The following PEX5 variants were observed in gnomAD, a reference collection of about 807,000 sequenced individuals.
The protein encoded by PEX5 is peroxisomal biogenesis factor 5.
In PEX5, 52 loss-of-function variants were observed where a neutral mutation model predicts 82.9. The ratio of observed to expected loss-of-function variants is 0.63; its 90% CI spans 0.50 to 0.79. PEX5 has a LOEUF of 0.79. PEX5 is among the 30% of genes least tolerant of loss of function. PEX5 has a pLI of 0.00. For missense variants in PEX5, 719 were observed against 815.2 expected, an observed-to-expected ratio of 0.88 and a Z score of 1.44; for synonymous variants, 300 against 318.8, an observed-to-expected ratio of 0.94 and a Z score of 0.63.
intron 13 of PEX5, 82 bp from the exon 14 acceptor site, chr12:7,208,923 T>A (rs1178566368): frequency 1.6e-6 from 2 of 1,246,336 alleles, no homozygotes; most frequent in African/African-American, 2.9e-5. Flanking sequence ...GGGATATGGT[T>A]GATCAATGAA....
At chr12:7,212,498 CAAAAA>C (rs5796272), downstream of PEX5, among the ~76,000 whole-genome samples, 1 of 130,888 alleles carries the variant, frequency 7.6e-6, no homozygotes, top group African/African-American at 3.0e-5. Context: ...ACCCAAAAAA[CAAAAA>C]AAACAGGTCT....
intron 6 of PEX5, among the ~76,000 whole-genome samples, chr12:7,200,692 AG>A (rs1376034001): frequency 7.9e-5 from 12 of 152,154 alleles, no homozygotes; most frequent in African/African-American, 2.9e-4. Flanking sequence ...GCTGGAGACC[AG>A]CCCGGCCAAC....
At chr12:7,215,672 T>C (rs748630982), downstream of PEX5, among the ~76,000 whole-genome samples, 4 of 152,182 alleles carry the variant, frequency 2.6e-5, no homozygotes, top group Non-Finnish European at 4.4e-5. Context: ...TTCTCACTTA[T>C]AAGTGACAGC....
chr12:7,215,061 CTAAGGT>C (rs746506954), downstream of PEX5, among the ~76,000 whole-genome samples: 1 of 151,924 alleles, frequency 6.6e-6, no homozygotes, highest in Non-Finnish European at 1.5e-5. Flanking sequence ...GTCACTAAGG[CTAAGGT>C]TAAGAAAACT....
chr12:7,215,009 A>T (rs1400089075), downstream of PEX5, among the ~76,000 whole-genome samples: 4 of 152,162 alleles, frequency 2.6e-5, no homozygotes, highest in African/African-American at 9.7e-5. Flanking sequence ...AATTTTACTC[A>T]GATTATGCAT....
At chr12:7,217,871 G>A (rs1037187977) in intron 17 of PEX5, among the ~76,000 whole-genome samples, 9 of 152,304 alleles carry the variant, frequency 5.9e-5, no homozygotes, top group African/African-American at 1.9e-4. Flanking sequence ...TGAGTTGTAC[G>A]GGCTGCACTG....
At position 7,203,188 on chromosome 12, in the gene PEX5, G is replaced by A. The variant is rs1259373169; in HGVS notation, c.847-244G>A. 3.5e-3 allele frequency among the ~76,000 whole-genome samples: 41 copies of A among 11,884 alleles called. 8 individuals carry two copies. The highest frequency in any genetic ancestry group is 0.022 in the South Asian group (4 of 184). 7.8% of individuals were successfully genotyped at this position (11,884 alleles called of 152,430 possible). ...AAAAAACTAAACTAAACTATGCACT[G>A]CACTGCACTGCACTGCACTGCACTG... On this transcript the variant is annotated intron_variant, in intron 9 of 15. Coordinates refer to ENST00000675855, the MANE Select transcript of PEX5 (RefSeq NM_001351132.2).
At chr12:7,201,019 C>T (rs1857498125) in intron 6 of PEX5, among the ~76,000 whole-genome samples, 1 of 152,076 alleles carries the variant, frequency 6.6e-6, no homozygotes, top group Admixed American at 6.5e-5. Flanking sequence ...TGGTTGTGTG[C>T]CTGTACTCAG....
intron 6 of PEX5, among the ~76,000 whole-genome samples, chr12:7,201,069 A>G (rs890392915): frequency 6.6e-6 from 1 of 152,184 alleles, no homozygotes; most frequent in Non-Finnish European, 1.5e-5. Context: ...CAGGAGGTCA[A>G]GTCTAGCCCG....
intron 5 of PEX5, among the ~76,000 whole-genome samples, chr12:7,197,846 T>A (rs1943040895): frequency 6.6e-6 from 1 of 152,140 alleles, no homozygotes; most frequent in African/African-American, 2.4e-5. Flanking sequence ...TTGGAGTTAG[T>A]AGGTTCTCAA....
In PEX5 at chr12:7,203,441, G is replaced by A. The variant is rs1246877750; in HGVS notation, c.856G>A (p.Asp286Asn). 1.2e-6 allele frequency: 2 copies of A among 1,613,494 alleles called. No individual in the cohort carries two copies. Among genetic ancestry groups the A allele is most frequent in the Admixed American group, 1.7e-5 (1 of 59,932 alleles). The change falls in exon 10 of 16, where the codon GAT becomes AAT. Residue 286 changes from aspartate to asparagine, a missense_variant. Physicochemically the swap from Asp to Asn is conservative, Grantham distance 23. Transcript: ENST00000675855. ...TTTCCCTTCCTTACAGTCTGATGTC[G>A]ATTTCTGGGACAAGTTGCAGGCAGA... ...RAKSAIESDV[D>N]FWDKLQAELE...
chr12:7,211,887 TTAAAAATA>T (rs1267449735), downstream of PEX5, among the ~76,000 whole-genome samples: 1 of 152,004 alleles, frequency 6.6e-6, no homozygotes, highest in African/African-American at 2.4e-5. Flanking sequence ...GAGGAAAAAT[TTAAAAATA>T]TACACAAATA....
At chr12:7,194,267 T>G (rs1260131040) in intron 5 of PEX5, among the ~76,000 whole-genome samples, 3 of 152,166 alleles carry the variant, frequency 2.0e-5, no homozygotes, top group African/African-American at 7.2e-5. Context: ...GCAGCTCAAT[T>G]ATTTAAATTT....
chr12:7,217,980 TG>T (rs1945826347), intron 17 of PEX5, among the ~76,000 whole-genome samples: 1 of 152,172 alleles, frequency 6.6e-6, no homozygotes, highest in African/African-American at 2.4e-5. Flanking sequence ...CAGAGTGGGA[TG>T]GCAACTTCAG....
chr12:7,197,432 C>CAATTTAATTATATATGTCATATAT (rs1942902132), intron 5 of PEX5, among the ~76,000 whole-genome samples: 1 of 85,898 alleles, frequency 1.2e-5, no homozygotes, highest in African/African-American at 4.3e-5. Context: ...ATGTCATATA[C>CAATTTAATTATATATGTCATATAT]AATGTAATTA....
intron 5 of PEX5, among the ~76,000 whole-genome samples, chr12:7,198,070 G>A (rs1481731825): frequency 6.6e-6 from 1 of 152,004 alleles, no homozygotes; most frequent in Non-Finnish European, 1.5e-5. Context: ...CCACAGGATA[G>A]TAAAGGGCAA....
intron 17 of PEX5, among the ~76,000 whole-genome samples, chr12:7,217,780 C>T (rs1162408824): frequency 6.6e-6 from 1 of 152,210 alleles, no homozygotes; most frequent in Non-Finnish European, 1.5e-5. Flanking sequence ...CTGGAAATGA[C>T]TTAGGGGGCC....
Position 7,189,734 on chromosome 12 carries a change from C to A in PEX5, c.-33C>A, listed in dbSNP as rs1940545286. 7.5e-6 allele frequency: 3 copies of A among 401,562 alleles called. No homozygotes were observed. The highest frequency in any genetic ancestry group is 6.3e-5 in the African/African-American group (3 of 47,552). 24.9% of individuals were successfully genotyped at this position (401,562 alleles called of 1,614,324 possible). On this transcript the variant is annotated 5_prime_UTR_variant, in exon 1 of 16. Transcript: ENST00000675855. ...GCACCTGGTGCCCCGGCGGGTCGTG[C>A]GGCGCGGCGCTCCGCGGTGAGCGCC...
chr12:7,203,352 G>C (rs1944378862), intron 9 of PEX5, 80 bp from the exon 10 acceptor site: 2 of 1,483,796 alleles, frequency 1.3e-6, no homozygotes, highest in Admixed American at 2.3e-5. Context: ...TGCTGCCTTA[G>C]AGAATCCCAG....
Sources: allele counts gnomAD v4.1 joint callset (sites outside exome capture counted in the v4.1 genomes callset), GRCh38; gene constraint gnomAD v4.1.1; transcripts MANE v1.5; gene names NCBI Gene and HGNC (gene_info 2026-07-23, HGNC 2026-07-21).